The following COPG1 variants were observed in gnomAD, a reference collection of about 807,000 sequenced individuals.
COPG1 encodes the protein coat protein complex I subunit gamma 1, also known as coatomer subunit gamma-1.
COPG1 carries 29 observed loss-of-function variants against 102.8 expected under a neutral mutation model. The observed-to-expected ratio is 0.28, with a 90% confidence interval of 0.21 to 0.38. The LOEUF is 0.38. Among genes scored for constraint, COPG1 ranks in the 10% least tolerant of loss-of-function variants. The pLI is 1.00. For missense variants in COPG1, 875 were observed against 1,132.7 expected (o/e 0.77, Z 3.27); for synonymous variants, 406 against 421.6 (o/e 0.96, Z 0.45).
chr3:129,263,506 C>T (rs897629522), intron 12 of COPG1, among the ~76,000 whole-genome samples: 4 of 152,032 alleles, frequency 2.6e-5, no homozygotes, highest in Non-Finnish European at 5.9e-5. Context: ...AGAAGAGAAG[C>T]GGCCAAGGAC....
At chr3:129,251,619 C>T (rs1939702291) in intron 2 of COPG1, among the ~76,000 whole-genome samples, 1 of 151,600 alleles carries the variant, frequency 6.6e-6, no homozygotes, top group African/African-American at 2.4e-5. Flanking sequence ...GAATCCTGAC[C>T]TCTTGATCCT....
intron 8 of COPG1, 23 bp downstream of exon 8, chr3:129,256,177 A>G (rs747022148): frequency 7.5e-6 from 12 of 1,601,912 alleles, no homozygotes; most frequent in African/African-American, 1.3e-5. Context: ...CAAGGGAGTG[A>G]TATTTAAAAC....
rs758770930 is a variant in COPG1 at position 129,264,008 on chromosome 3, CAG to C, written c.1224+10_1224+11del. The stretch of plus-strand genomic sequence containing the variant: ...CCATGCTGCGGGAAGAGGTAAGAGT[CAG>C]GGGCATTCGGGGGATGCCAGGTCTC... On this transcript the variant is annotated intron_variant, in intron 13 of 23. Transcript: ENST00000314797. 3.4e-5 allele frequency: 55 copies of C among 1,612,290 alleles called. No individual in the cohort carries two copies. The African/African-American group carries it at 4.1e-4, about 12-fold the overall frequency.
chr3:129,273,826 G>C (rs1466406988), intron 21 of COPG1, among the ~76,000 whole-genome samples: 1 of 152,140 alleles, frequency 6.6e-6, no homozygotes, highest in Non-Finnish European at 1.5e-5. Context: ...AATTTGACCT[G>C]TTTGCTGTGC....
rs1008509499 is a variant in COPG1, at chr3:129,265,928, A to C, written c.1468+136A>C. 3.8e-5 allele frequency: 32 copies of C among 845,062 alleles called. 1 individual carries two copies. The highest frequency in any genetic ancestry group is 5.3e-5 in the Non-Finnish European group (29 of 547,002). The allele number at this position is 845,062 out of a possible 1,614,324, so 52.3% of individuals were successfully genotyped here. The stretch of plus-strand genomic sequence containing the variant: ...CACAAGCTGTTTTTCATAATATTGT[A>C]GGCAGGACCTTACATGTCATCTAGT... On this transcript the variant is annotated intron_variant, in intron 14 of 23. Transcript: ENST00000314797.
At chr3:129,261,061 AT>A (rs1939916741) in intron 12 of COPG1, among the ~76,000 whole-genome samples, 1 of 152,180 alleles carries the variant, frequency 6.6e-6, no homozygotes, top group Non-Finnish European at 1.5e-5. Flanking sequence ...GGGTTCATTG[AT>A]TTGTTGTCCA....
In COPG1 at chr3:129,260,602, C is replaced by T. The variant is rs374232037; in HGVS notation, c.940-17C>T. ...CATTGGGTTCCTGCCCTCTCTGTCA[C>T]TGTCCTCCCAAAACAGGTTGCCATG... On this transcript the variant is annotated splice_polypyrimidine_tract_variant and intron_variant, in intron 11 of 23. Coordinates refer to ENST00000314797, the MANE Select transcript of COPG1 (RefSeq NM_016128.4). 5 of 1,612,892 alleles carry T rather than the reference C, an allele frequency of 3.1e-6. No homozygotes were observed. Among genetic ancestry groups the T allele is most frequent in the Non-Finnish European group, 4.2e-6 (5 of 1,179,240 alleles).
At chr3:129,261,124 A>G (rs1939918358) in intron 12 of COPG1, among the ~76,000 whole-genome samples, 1 of 152,246 alleles carries the variant, frequency 6.6e-6, no homozygotes, top group Admixed American at 6.5e-5. Flanking sequence ...AAAGGGGAAC[A>G]TAGCAGTGAA....
rs955147758 is a variant in COPG1 at position 129,274,958 on chromosome 3, A to G, written c.2377A>G (p.Thr793Ala). The G allele has an allele frequency of 3.1e-6, 5 of 1,614,054 alleles. No individual in the cohort carries two copies. The African/African-American group carries it at 5.3e-5, about 17-fold the overall frequency. Reference protein sequence around the residue: ...FEKEETFTLSTIKTLEEAVGN... With the variant: ...FEKEETFTLSAIKTLEEAVGN... ...GAAGGAGGAAACGTTCACCTTGTCT[A>G]CCATCAAGACACTTGAAGGTAAAAT... The change falls in exon 22 of 24, where the codon ACC (threonine) becomes GCC (alanine). Residue 793 changes from threonine (T) to alanine (A), a missense_variant. Physicochemically the swap from Thr to Ala is moderately conservative, Grantham distance 58. Coordinates refer to ENST00000314797, the MANE Select transcript of COPG1 (RefSeq NM_016128.4).
At position 129,255,055 on chromosome 3, in the gene COPG1, G is replaced by C. The variant is rs528909043; in HGVS notation, c.470G>C (p.Ser157Thr). ...GTGGACAAGGTGCCCAGTGTCTCCAGCTCTGCCCTCGTGTCTTCCTTGGTG... is the reference window on the plus strand; with the variant it reads ...GTGGACAAGGTGCCCAGTGTCTCCACCTCTGCCCTCGTGTCTTCCTTGGTG... The part of the protein sequence containing the change: ...AIVDKVPSVS[S>T]SALVSSLHLL... The change falls in exon 7 of 24, where the codon AGC becomes ACC. Residue 157 changes from serine to threonine, a missense_variant. Transcript: ENST00000314797. 29 of 1,614,020 alleles carry C rather than the reference G, an allele frequency of 1.8e-5. 1 individual carries two copies. The South Asian group carries it at 2.7e-4, about 15-fold the overall frequency.
In COPG1 at chr3:129,252,612, G is replaced by A; in HGVS notation, c.172-11G>A. On this transcript the variant is annotated splice_polypyrimidine_tract_variant and intron_variant, in intron 3 of 23. Coordinates refer to ENST00000314797, the MANE Select transcript of COPG1 (RefSeq NM_016128.4). ...TGTCCCAAGCTGAGACTTCTTTCTT[G>A]ATTAACACAGGGGGAGCACCTGGGG... 6.2e-7 allele frequency: 1 copy of A among 1,612,576 alleles called. No individual in the cohort carries two copies.
rs1167897968 is a variant in COPG1, at chr3:129,275,210, T to C, written c.2412T>C (p.Ile804=). Residue 804 remains isoleucine (I), a synonymous_variant, in exon 23 of 24, where the codon ATT becomes ATC. Coordinates refer to ENST00000314797, the MANE Select transcript of COPG1 (RefSeq NM_016128.4). The surrounding 1 kb of genome is among the most constrained non-coding windows in gnomAD (Gnocchi z 5.0). ...TCATTACAGAGGCTGTGGGTAATATTGTGAAGTTCTTGGGAATGCACCCTT... is the reference window on the plus strand; with the variant it reads ...TCATTACAGAGGCTGTGGGTAATATCGTGAAGTTCTTGGGAATGCACCCTT... ...IKTLEEAVGN[I]VKFLGMHPCE... The C allele has an allele frequency of 6.2e-7, 1 of 1,614,036 alleles. No homozygotes were observed. Among genetic ancestry groups the C allele is most frequent in the African/African-American group, 1.3e-5 (1 of 74,928 alleles).
intron 10 of COPG1, among the ~76,000 whole-genome samples, 174 bp downstream of exon 10, chr3:129,258,034 G>A (rs942338169): frequency 6.6e-6 from 1 of 152,210 alleles, no homozygotes; most frequent in East Asian, 1.9e-4. Flanking sequence ...TCACGTTTTG[G>A]TGGTGGGCTG....
intron 5 of COPG1, 188 bp downstream of exon 5, chr3:129,253,143 C>T: frequency 1.8e-6 from 1 of 547,518 alleles, no homozygotes; most frequent in Non-Finnish European, 3.3e-6. Flanking sequence ...ATTCTCTGAC[C>T]TTGACTTGGA....
At chr3:129,251,013 T>C (rs1176205236) in intron 2 of COPG1, 3 of 318,690 alleles carry the variant, frequency 9.4e-6, no homozygotes, top group Non-Finnish European at 1.8e-5. Flanking sequence ...AAGCTCCGCC[T>C]TCCAGGTTCA....
intron 1 of COPG1, 48 bp downstream of exon 1, chr3:129,249,794 C>T (rs767638086): frequency 2.0e-6 from 3 of 1,536,538 alleles, no homozygotes; most frequent in South Asian, 1.2e-5. Context: ...CCCCACCCGC[C>T]GAGCTTTCCT....
In COPG1 at chr3:129,268,022, G is replaced by A. The variant is rs1181966141; in HGVS notation, c.1630G>A (p.Ala544Thr). The change falls in exon 16 of 24, where the codon GCA becomes ACA. Residue 544 changes from alanine (A) to threonine (T), a missense_variant. Physicochemically the swap from Ala to Thr is moderately conservative, Grantham distance 58. Coordinates refer to ENST00000314797, the MANE Select transcript of COPG1 (RefSeq NM_016128.4). ...GGAGCAGAAGCAGAAGGCCCTTAAT[G>A]CAGGCTATATCCTAAATGGTGAGTC... ...VLEQKQKALN[A>T]GYILNGLTVS... 2.5e-6 allele frequency: 4 copies of A among 1,613,724 alleles called. No individual in the cohort carries two copies. The Admixed American group carries it at 5.0e-5, about 20-fold the overall frequency.
intron 21 of COPG1, 41 bp from the exon 22 acceptor site, chr3:129,274,797 G>A (rs757705425): frequency 6.2e-7 from 1 of 1,611,028 alleles, no homozygotes; most frequent in South Asian, 1.1e-5. Context: ...AGGCCCGTAG[G>A]TGTGTAGATG....
At chr3:129,255,144 A>G in intron 7 of COPG1, 67 bp downstream of exon 7, 1 of 974,140 alleles carries the variant, frequency 1.0e-6, no homozygotes, top group Non-Finnish European at 1.6e-6. Flanking sequence ...TAAGAGTCAC[A>G]TTCCAGTAGG....
Sources: allele counts gnomAD v4.1 joint callset (sites outside exome capture counted in the v4.1 genomes callset), GRCh38; gene constraint gnomAD v4.1.1; non-coding constraint Gnocchi (gnomAD v3.1); transcripts MANE v1.5; gene names NCBI Gene and HGNC (gene_info 2026-07-23, HGNC 2026-07-21).